ADARB2: variants seen among roughly 807,000 people sequenced by gnomAD.
ADARB2 encodes the protein inactive double-stranded RNA-specific editase B2.
In ADARB2, 25 loss-of-function variants were observed where a neutral mutation model predicts 62.2. The ratio of observed to expected loss-of-function variants is 0.40; its 90% confidence interval spans 0.29 to 0.56. ADARB2 has a LOEUF of 0.56. Among genes scored for constraint, ADARB2 ranks in the 20% least tolerant of loss-of-function variants. The pLI is 0.43. For synonymous variants in ADARB2, 572 were observed against 500.8 expected (o/e 1.14, Z -1.90); for missense variants, 1,071 against 1,077.4 (o/e 0.99, Z 0.08).
chr10:1,214,259 A>C (rs11250340), intron 7 of ADARB2, among the ~76,000 whole-genome samples: 2 of 110,808 alleles, frequency 1.8e-5, no homozygotes, highest in Non-Finnish European at 2.0e-5. Context: ...CCAGCGTTGC[A>C]TGGGTTTGCC....
At chr10:1,382,420 ATTAT>A (rs368983178) in intron 1 of ADARB2, among the ~76,000 whole-genome samples, 1 of 152,352 alleles carries the variant, frequency 6.6e-6, no homozygotes, top group East Asian at 1.9e-4. Flanking sequence ...GAGAGAAGCA[ATTAT>A]TTCCAAGAAA....
chr10:1,212,200 C>T (rs1190444381), intron 7 of ADARB2, among the ~76,000 whole-genome samples: 2 of 152,092 alleles, frequency 1.3e-5, no homozygotes, highest in Non-Finnish European at 2.9e-5. Context: ...TTATTTAAGC[C>T]CTAGGTTTAA....
chr10:1,413,169 G>A (rs968574893), intron 1 of ADARB2, among the ~76,000 whole-genome samples: 3 of 152,166 alleles, frequency 2.0e-5, no homozygotes, highest in African/African-American at 7.2e-5. Context: ...GACAGCCTAG[G>A]AACCACTTGA....
intron 3 of ADARB2, among the ~76,000 whole-genome samples, chr10:1,362,322 A>G (rs144484853): frequency 5.3e-4 from 81 of 152,346 alleles, no homozygotes; most frequent in Non-Finnish European, 8.8e-4. Context: ...TTCATTTCCC[A>G]GAAATATCTG....
chr10:1,202,080 A>T (rs1836994264), intron 7 of ADARB2, among the ~76,000 whole-genome samples: 1 of 150,314 alleles, frequency 6.7e-6, no homozygotes, highest in Admixed American at 6.7e-5. Context: ...CCTTCAGGGA[A>T]CAATGGGAAG....
At chr10:1,517,682 C>A (rs1384041704) in intron 1 of ADARB2, among the ~76,000 whole-genome samples, 1 of 152,182 alleles carries the variant, frequency 6.6e-6, no homozygotes, top group Non-Finnish European at 1.5e-5. Context: ...TTCTGGGACA[C>A]CATCCCAAGG....
Position 1,472,478 on chromosome 10 carries a change from TG to T in ADARB2, c.101-93319del, listed in dbSNP as rs376107629. Among the ~76,000 whole-genome samples, 51 of 152,146 alleles carry T rather than the reference TG, an allele frequency of 3.4e-4. 1 individual carries two copies. Among genetic ancestry groups the T allele is most frequent in the South Asian group, 2.3e-3 (11 of 4,822 alleles). On this transcript the variant is annotated intron_variant, in intron 1 of 9. Transcript: ENST00000381312. ...GCCAGGTGTGACGAGCTCTGGACCG[TG>T]GGGGTGTACCCAAGTGGACACCGGG...
chr10:1,445,683 G>A (rs1373529926), intron 1 of ADARB2, among the ~76,000 whole-genome samples: 3 of 152,176 alleles, frequency 2.0e-5, no homozygotes, highest in Admixed American at 2.0e-4. Flanking sequence ...ATTAAAAATT[G>A]CCAGTTAAGT....
chr10:1,404,946 G>A (rs1564281009), intron 1 of ADARB2, among the ~76,000 whole-genome samples: 1 of 152,234 alleles, frequency 6.6e-6, no homozygotes, highest in South Asian at 2.1e-4. Flanking sequence ...TGTTAAAGCA[G>A]CAGGACCCTG....
At chr10:1,530,542 C>T (rs1457592153) in intron 1 of ADARB2, among the ~76,000 whole-genome samples, 4 of 152,266 alleles carry the variant, frequency 2.6e-5, no homozygotes, top group South Asian at 2.1e-4. Context: ...AGACTCCTTG[C>T]GGCCTGCTCT....
rs535263568 is a variant in ADARB2 at position 1,248,565 on chromosome 10, G to A, written c.1193-6266C>T. On this transcript the variant is annotated intron_variant, in intron 4 of 9. Coordinates refer to ENST00000381312, the MANE Select transcript of ADARB2 (RefSeq NM_018702.4). ...CTGCAGCTGTGAGCTGCTCCTGGCC[G>A]GTACTCGGAGCCAGGAGAAGATCAG... is the stretch of plus-strand genomic sequence containing the variant. Among the ~76,000 whole-genome samples the A allele has an allele frequency of 1.6e-4, 24 of 152,280 alleles. No individual in the cohort carries two copies. In the South Asian group the frequency reaches 4.1e-3, roughly 26 times the overall value.
At chr10:1,581,298 AG>A (rs2132000657) in intron 1 of ADARB2, among the ~76,000 whole-genome samples, 1 of 152,356 alleles carries the variant, frequency 6.6e-6, no homozygotes, top group African/African-American at 2.4e-5. Flanking sequence ...TCCCTGTGAC[AG>A]CTACCTGGAA....
At chr10:1,300,442 C>G (rs1238620737) in intron 3 of ADARB2, among the ~76,000 whole-genome samples, 1 of 152,198 alleles carries the variant, frequency 6.6e-6, no homozygotes, top group Non-Finnish European at 1.5e-5. Flanking sequence ...CACGCCTCTC[C>G]TCCTGACATT....
intron 2 of ADARB2, among the ~76,000 whole-genome samples, chr10:1,364,258 C>T (rs1353276155): frequency 2.6e-5 from 4 of 152,222 alleles, no homozygotes; most frequent in African/African-American, 9.6e-5. Context: ...AGGCCTTTCC[C>T]GGGGTGGTGT....
chr10:1,733,113 C>T (rs1030958623), intron 1 of ADARB2, among the ~76,000 whole-genome samples: 2 of 152,202 alleles, frequency 1.3e-5, no homozygotes, highest in South Asian at 2.1e-4. Context: ...GCAACCCGAC[C>T]GGCCCCGGAT....
chr10:1,688,877 A>G (rs1394534453), intron 1 of ADARB2, among the ~76,000 whole-genome samples: 2 of 152,178 alleles, frequency 1.3e-5, no homozygotes, highest in South Asian at 4.1e-4. Context: ...CTTTCCAAAC[A>G]TTTTAACGTA....
At chr10:1,407,898 G>A (rs1455588800) in intron 1 of ADARB2, among the ~76,000 whole-genome samples, 3 of 152,352 alleles carry the variant, frequency 2.0e-5, no homozygotes, top group South Asian at 2.1e-4. Flanking sequence ...GAAGAGAGAA[G>A]TGAGGAGGCT....
chr10:1,408,972 G>A (rs568535773), intron 1 of ADARB2, among the ~76,000 whole-genome samples: 4 of 152,196 alleles, frequency 2.6e-5, no homozygotes, highest in African/African-American at 4.8e-5. Flanking sequence ...TGCTGGCTCC[G>A]TGGTGGTGGC....
chr10:1,247,675 C>T (rs1830999454), intron 4 of ADARB2, among the ~76,000 whole-genome samples: 2 of 152,026 alleles, frequency 1.3e-5, no homozygotes, highest in African/African-American at 4.8e-5. Flanking sequence ...AAAAACGTGT[C>T]AAAAACAGAA....
Sources: allele counts gnomAD v4.1 joint callset (sites outside exome capture counted in the v4.1 genomes callset), GRCh38; gene constraint gnomAD v4.1.1; transcripts MANE v1.5; gene names NCBI Gene and HGNC (gene_info 2026-07-23, HGNC 2026-07-21).